KLHL3: variants seen among roughly 807,000 people sequenced by gnomAD.
KLHL3 encodes kelch-like protein 3.
In KLHL3, 19 loss-of-function variants were observed where a neutral mutation model predicts 70.5. That is an observed-to-expected ratio of 0.27 (90% CI 0.19 to 0.40). The LOEUF is 0.40. KLHL3 is among the 10% of genes least tolerant of loss of function. KLHL3 has a pLI of 1.00. For missense variants in KLHL3, 512 were observed against 771.1 expected, an observed-to-expected ratio of 0.66 and a Z score of 3.98; for synonymous variants, 258 against 290.3, an observed-to-expected ratio of 0.89 and a Z score of 1.13.
rs529462576 is a variant in KLHL3, at chr5:137,618,185, T to G, written c.*3913A>C. The stretch of plus-strand genomic sequence containing the variant: ...AAATAGTGCAAACGCTTAAAAAAAT[T>G]ACATTCTAACCTCCTTGCTTCTCCA... On this transcript the variant is annotated 3_prime_UTR_variant, in exon 15 of 15. Transcript: ENST00000309755. 6.6e-6 allele frequency: 1 copy of G among 152,664 alleles called. No individual in the cohort carries two copies. Among genetic ancestry groups the G allele is most frequent in the African/African-American group, 2.4e-5 (1 of 41,528 alleles). 9.5% of individuals were successfully genotyped at this position (152,664 alleles called of 1,614,324 possible). A position where few individuals can be genotyped will look rare whatever the true frequency, so the allele number is the denominator to read the frequency against.
chr5:137,695,810 A>G (rs539917454), intron 4 of KLHL3, among the ~76,000 whole-genome samples: 1 of 152,364 alleles, frequency 6.6e-6, no homozygotes, highest in Admixed American at 6.5e-5. Flanking sequence ...TCAGCTCTGA[A>G]GCAAGACCAT....
chr5:137,695,477 G>GA (rs1408135299), intron 4 of KLHL3, among the ~76,000 whole-genome samples: 9 of 151,774 alleles, frequency 5.9e-5, no homozygotes, highest in Admixed American at 2.0e-4. Context: ...AAAAGTGTGG[G>GA]AAAAAAAAGT....
chr5:137,720,352 T>G (rs949572136), intron 2 of KLHL3, 113 bp downstream of exon 2: 6 of 1,272,540 alleles, frequency 4.7e-6, no homozygotes, highest in Non-Finnish European at 6.6e-6. Context: ...TAAGAATGGA[T>G]GGAAAGAGTC....
intron 8 of KLHL3, among the ~76,000 whole-genome samples, chr5:137,656,816 A>G (rs894637389): frequency 9.9e-5 from 15 of 152,220 alleles, no homozygotes; most frequent in African/African-American, 3.6e-4. Flanking sequence ...GAGTTCAGAG[A>G]ACAGGTTTGG....
At chr5:137,644,236 T>C (rs1750987797) in intron 8 of KLHL3, among the ~76,000 whole-genome samples, 1 of 151,986 alleles carries the variant, frequency 6.6e-6, no homozygotes, top group African/African-American at 2.4e-5. Context: ...ACCCGGCTAA[T>C]TTTTTGTATT....
At chr5:137,692,997 T>A (rs1271595068) in intron 4 of KLHL3, among the ~76,000 whole-genome samples, 1 of 152,194 alleles carries the variant, frequency 6.6e-6, no homozygotes, top group Non-Finnish European at 1.5e-5. Flanking sequence ...GCTCCCCAGG[T>A]GCTTCTAATG....
chr5:137,705,374 C>T (rs1184489274), intron 3 of KLHL3, among the ~76,000 whole-genome samples: 4 of 152,214 alleles, frequency 2.6e-5, no homozygotes, highest in African/African-American at 4.8e-5. Flanking sequence ...ATGGTTCTGC[C>T]TTGTGGATGA....
At chr5:137,658,008 A>T in intron 8 of KLHL3, 123 bp downstream of exon 8, 2 of 885,672 alleles carry the variant, frequency 2.3e-6, no homozygotes, top group Non-Finnish European at 3.5e-6. Context: ...TCCATCTCCT[A>T]GGTTGTAAAT....
intron 6 of KLHL3, among the ~76,000 whole-genome samples, chr5:137,666,318 A>C (rs928528136): frequency 6.6e-6 from 1 of 152,148 alleles, no homozygotes; most frequent in Non-Finnish European, 1.5e-5. Flanking sequence ...GGTGATGGGC[A>C]GCCACAACCC....
chr5:137,688,250 C>G (rs1752235317), intron 5 of KLHL3, among the ~76,000 whole-genome samples: 1 of 151,740 alleles, frequency 6.6e-6, no homozygotes, highest in African/African-American at 2.4e-5. Flanking sequence ...AGAAAGCCAC[C>G]CAGGAGAGGA....
intron 12 of KLHL3, among the ~76,000 whole-genome samples, chr5:137,633,047 G>A (rs770585326): frequency 1.3e-5 from 2 of 152,022 alleles, no homozygotes; most frequent in Non-Finnish European, 2.9e-5. Flanking sequence ...TTGAGAGGCC[G>A]AGGCAGGTGG....
At chr5:137,643,591 GT>G (rs958558320) in intron 8 of KLHL3, among the ~76,000 whole-genome samples, 29 of 152,156 alleles carry the variant, frequency 1.9e-4, no homozygotes, top group Admixed American at 9.8e-4. Flanking sequence ...CAATTTTTTT[GT>G]TTTATTTTTA....
At chr5:137,689,070 T>C (rs1392565692) in intron 5 of KLHL3, among the ~76,000 whole-genome samples, 1 of 152,196 alleles carries the variant, frequency 6.6e-6, no homozygotes, top group Non-Finnish European at 1.5e-5. Context: ...CAGAAGAGCC[T>C]GGGAGCCCTA....
intron 7 of KLHL3, among the ~76,000 whole-genome samples, chr5:137,660,198 T>C (rs370015152): frequency 2.6e-5 from 4 of 152,328 alleles, no homozygotes; most frequent in South Asian, 4.1e-4. Context: ...CCCCCTTCTT[T>C]TCCAGATCTA....
Position 137,658,282 on chromosome 5 carries a change from T to C in KLHL3, c.754-2A>G. 3.7e-6 allele frequency: 6 copies of C among 1,613,954 alleles called. No individual in the cohort carries two copies. Among genetic ancestry groups the C allele is most frequent in the Non-Finnish European group, 4.2e-6 (5 of 1,179,830 alleles). ...TATCAAAGCTTCTTCTTCAACCGTC[T>C]AGAGGTAATAATCCACAGATGATCC... On this transcript the variant is annotated splice_acceptor_variant, in intron 7 of 14. Transcript: ENST00000309755. LOFTEE classifies it high-confidence loss of function.
chr5:137,697,043 T>G (rs1330585417), intron 4 of KLHL3, among the ~76,000 whole-genome samples: 2 of 152,158 alleles, frequency 1.3e-5, no homozygotes, highest in Admixed American at 1.3e-4. Context: ...ATCTCCTCGG[T>G]GCACCAAATC....
At chr5:137,701,652 G>T (rs1202625732) in intron 3 of KLHL3, among the ~76,000 whole-genome samples, 1 of 152,094 alleles carries the variant, frequency 6.6e-6, no homozygotes, top group Admixed American at 6.5e-5. Flanking sequence ...AAAAAAGAAG[G>T]GAGGTTCTCT....
chr5:137,622,215 G>T, intron 14 of KLHL3, 89 bp from the exon 15 acceptor site: 1 of 1,450,710 alleles, frequency 6.9e-7, no homozygotes, highest in Non-Finnish European at 9.7e-7. Context: ...GATATCCTGA[G>T]TCACAGCCAA....
In KLHL3 at chr5:137,733,805, A is replaced by G. The variant is rs537983435; in HGVS notation, c.14+1828T>C. Among the ~76,000 whole-genome samples the G allele has an allele frequency of 8.8e-4, 134 of 152,338 alleles. 1 individual carries two copies. Among genetic ancestry groups the G allele is most frequent in the South Asian group, 5.6e-3 (27 of 4,834 alleles). On this transcript the variant is annotated intron_variant, in intron 1 of 14. Transcript: ENST00000309755. ...GAGATCAACAGAATTCTCAGTAGGT[A>G]TATGAGTGAGCAGTGGAAATGGGAA...
Sources: gnomAD v4.1 joint callset for allele counts (sites outside exome capture counted in the v4.1 genomes callset) on GRCh38, gnomAD v4.1.1 for gene constraint, MANE v1.5 for transcripts, NCBI Gene and HGNC (gene_info 2026-07-23, HGNC 2026-07-21) for gene names.